Variants in SBF2 observed in about 807,000 individuals in gnomAD.
SBF2 encodes myotubularin-related protein 13.
A neutral mutation model predicts 225.2 loss-of-function variants in SBF2; 112 were observed. That is an observed-to-expected ratio of 0.50 (90% CI 0.43 to 0.58). The LOEUF (loss-of-function observed/expected upper bound fraction) is 0.58, where lower values mean the gene tolerates loss of function less well. Among genes scored for constraint, SBF2 ranks in the 20% least tolerant of loss-of-function variants. The pLI is 0.00. For missense variants in SBF2, 1,996 were observed against 2,206.2 expected, an observed-to-expected ratio of 0.90 and a Z score of 1.91; for synonymous variants, 763 against 773.3, an observed-to-expected ratio of 0.99 and a Z score of 0.22.
At chr11:10,009,118 T>A (rs1406586041) in intron 6 of SBF2, among the ~76,000 whole-genome samples, 1 of 152,174 alleles carries the variant, frequency 6.6e-6, no homozygotes, top group Non-Finnish European at 1.5e-5. Context: ...AACTGCGATC[T>A]TATGCCTCAA....
At chr11:9,960,163 A>G (rs1295657205) in intron 16 of SBF2, 1 of 155,994 alleles carries the variant, frequency 6.4e-6, no homozygotes, top group African/African-American at 2.4e-5. Flanking sequence ...CCTGGCTTAT[A>G]GTTCTTGTAA....
chr11:9,802,084 T>A (rs1453843418), intron 32 of SBF2, among the ~76,000 whole-genome samples: 3 of 152,222 alleles, frequency 2.0e-5, no homozygotes, highest in Non-Finnish European at 4.4e-5. Context: ...AAAGATTTAC[T>A]CTAATGCCGA....
At chr11:10,174,393 C>T (rs1956361441) in intron 2 of SBF2, among the ~76,000 whole-genome samples, 1 of 152,122 alleles carries the variant, frequency 6.6e-6, no homozygotes, top group Admixed American at 6.5e-5. Flanking sequence ...ACGCGATCAA[C>T]TGGAAGAAAG....
chr11:10,073,708 G>C (rs1262646459), intron 2 of SBF2, among the ~76,000 whole-genome samples: 1 of 152,122 alleles, frequency 6.6e-6, no homozygotes, highest in Non-Finnish European at 1.5e-5. Context: ...CTGGGAGACA[G>C]AGTGCGGCTC....
chr11:10,232,761 A>G (rs549952234), intron 1 of SBF2, among the ~76,000 whole-genome samples: 6 of 152,176 alleles, frequency 3.9e-5, no homozygotes, highest in African/African-American at 1.4e-4. Flanking sequence ...TTCTACTTCT[A>G]TGACAAGAGA....
chr11:10,023,562 T>TA (rs758811144), intron 6 of SBF2, among the ~76,000 whole-genome samples: 111 of 152,330 alleles, frequency 7.3e-4, no homozygotes, highest in Non-Finnish European at 1.5e-3. Context: ...TTATAATCAC[T>TA]AATCTGTTTT....
At chr11:9,912,234 C>T (rs1425442162) in intron 16 of SBF2, among the ~76,000 whole-genome samples, 1 of 144,080 alleles carries the variant, frequency 6.9e-6, no homozygotes. Flanking sequence ...ATAGCTTGAA[C>T]CTGGGATGCG....
chr11:9,968,603 C>G (rs558406990), intron 13 of SBF2, 58 bp from the exon 14 acceptor site: 48 of 1,405,616 alleles, frequency 3.4e-5, no homozygotes, highest in Non-Finnish European at 4.8e-5. Flanking sequence ...GGCAGATCAC[C>G]AGGAAGGGAG....
chr11:10,062,065 T>C (rs1209418894), intron 2 of SBF2, among the ~76,000 whole-genome samples: 1 of 152,152 alleles, frequency 6.6e-6, no homozygotes, highest in African/African-American at 2.4e-5. Flanking sequence ...CATCTGATCT[T>C]TGACAACGCT....
intron 13 of SBF2, among the ~76,000 whole-genome samples, chr11:9,982,398 C>T (rs1326687237): frequency 1.3e-5 from 2 of 152,180 alleles, no homozygotes; most frequent in Non-Finnish European, 2.9e-5. Context: ...CACTGACTGA[C>T]AGGAAAATTA....
At chr11:10,082,233 T>G (rs1951395603) in intron 2 of SBF2, among the ~76,000 whole-genome samples, 1 of 152,042 alleles carries the variant, frequency 6.6e-6, no homozygotes, top group Non-Finnish European at 1.5e-5. Context: ...GAACTAGTAA[T>G]AAAAATTCAC....
chr11:9,848,625 A>G (rs185597468), intron 22 of SBF2, among the ~76,000 whole-genome samples: 1 of 152,402 alleles, frequency 6.6e-6, no homozygotes, highest in East Asian at 1.9e-4. Context: ...TTACGTGTCC[A>G]AAATGTGTGT....
intron 16 of SBF2, among the ~76,000 whole-genome samples, chr11:9,943,630 T>C (rs1339849914): frequency 6.6e-6 from 1 of 152,106 alleles, no homozygotes; most frequent in Non-Finnish European, 1.5e-5. Flanking sequence ...GAAAAATTGT[T>C]CCACTTATTA....
chr11:10,117,442 A>AGG (rs553423520), intron 2 of SBF2, among the ~76,000 whole-genome samples: 1 of 89,588 alleles, frequency 1.1e-5, no homozygotes, highest in Non-Finnish European at 2.3e-5. Flanking sequence ...ATCCAACTCA[A>AGG]AAAAAAAAAA....
intron 2 of SBF2, among the ~76,000 whole-genome samples, chr11:10,053,160 A>T (rs901958724): frequency 7.2e-5 from 11 of 152,252 alleles, no homozygotes; most frequent in African/African-American, 2.6e-4. Context: ...TGAATATTAT[A>T]CCATCATGTA....
chr11:9,968,327 A>G lies in SBF2; in HGVS notation c.1600+14T>C, dbSNP rs1444134245. 6.8e-6 allele frequency: 11 copies of G among 1,611,466 alleles called. No homozygotes were observed. In the South Asian group the frequency reaches 8.8e-5, roughly 13 times the overall value. On this transcript the variant is annotated intron_variant, in intron 14 of 39. Transcript: ENST00000256190. ...TAAACAGTTTACTTTTAAAACAGAC[A>G]GACAAATACATACCAACAGGTGGAC...
At chr11:9,966,074 ATTTTCT>A (rs1410385874) in intron 14 of SBF2, among the ~76,000 whole-genome samples, 7 of 151,548 alleles carry the variant, frequency 4.6e-5, no homozygotes, top group Non-Finnish European at 7.4e-5. Context: ...AAAAAAACAT[ATTTTCT>A]TTTTCTTTTT....
chr11:9,920,954 T>C (rs1157587651), intron 16 of SBF2, among the ~76,000 whole-genome samples: 1 of 152,168 alleles, frequency 6.6e-6, no homozygotes, highest in Non-Finnish European at 1.5e-5. Context: ...CCCTACTTCT[T>C]TCTTTCTCTT....
At chr11:9,831,518 C>T (rs917904499) in intron 27 of SBF2, among the ~76,000 whole-genome samples, 1 of 152,184 alleles carries the variant, frequency 6.6e-6, no homozygotes, top group Admixed American at 6.5e-5. Flanking sequence ...TACTTCATTT[C>T]CAAAGGTGGA....
Sources: gnomAD v4.1 joint callset for allele counts (sites outside exome capture counted in the v4.1 genomes callset) on GRCh38, gnomAD v4.1.1 for gene constraint, MANE v1.5 for transcripts, NCBI Gene and HGNC (gene_info 2026-07-23, HGNC 2026-07-21) for gene names.